Variants in GON4L observed in about 807,000 individuals in gnomAD.
GON4L encodes GON-4-like protein.
GON4L carries 87 observed loss-of-function variants against 211.8 expected under a neutral mutation model. The observed-to-expected ratio is 0.41, with a 90% CI of 0.35 to 0.49. GON4L has a LOEUF of 0.49. Ranked by LOEUF, GON4L falls within the 20% of genes least tolerant of loss-of-function variation. The pLI is 0.15. For synonymous variants in GON4L, 875 were observed against 962.6 expected, an observed-to-expected ratio of 0.91 and a Z score of 1.68; for missense variants, 2,155 against 2,659.5, an observed-to-expected ratio of 0.81 and a Z score of 4.17.
At chr1:155,823,891 A>G (rs1462362058) in intron 3 of GON4L, among the ~76,000 whole-genome samples, 1 of 151,908 alleles carries the variant, frequency 6.6e-6, no homozygotes, top group Non-Finnish European at 1.5e-5. Flanking sequence ...AGATTCACAC[A>G]CACACACAAA....
At chr1:155,769,483 A>G (rs1449116554) in intron 19 of GON4L, among the ~76,000 whole-genome samples, 2 of 152,184 alleles carry the variant, frequency 1.3e-5, no homozygotes, top group Non-Finnish European at 2.9e-5. Flanking sequence ...CAACACGCTT[A>G]GAGTGGAATA....
At chr1:155,745,440 T>G (rs1660220505), downstream of GON4L, among the ~76,000 whole-genome samples, 1 of 152,190 alleles carries the variant, frequency 6.6e-6, no homozygotes, top group South Asian at 2.1e-4. Flanking sequence ...CAAGGTTTCA[T>G]TTTTGCCCGG....
In GON4L at chr1:155,815,865, ATCT is replaced by A; in HGVS notation, c.1098_1100del (p.Glu366del). The A allele has an allele frequency of 2.5e-6, 4 of 1,606,962 alleles. No homozygotes were observed. The highest frequency in any genetic ancestry group is 1.7e-4 in the Middle Eastern group (1 of 6,048). ...GCTGGTATTCTTCATCTGAGGAATCATCTTCTTCAAGGTGGATATCCACAAACT... is the reference window on the plus strand; with the variant it reads ...GCTGGTATTCTTCATCTGAGGAATCATCTTCAAGGTGGATATCCACAAACT... On this transcript the variant is annotated inframe_deletion, in exon 8 of 32. Transcript: ENST00000368331.
chr1:155,809,870 TATA>T (rs1667540297), intron 10 of GON4L, among the ~76,000 whole-genome samples: 1 of 18,598 alleles, frequency 5.4e-5, no homozygotes, highest in African/African-American at 1.0e-4. Context: ...TATACTTATA[TATA>T]ATTATAAATT....
At position 155,762,489 on chromosome 1, in the gene GON4L, G is replaced by T. The variant is rs2101704230; in HGVS notation, c.4727-115C>A. The T allele has an allele frequency of 3.4e-6, 3 of 877,928 alleles. No homozygotes were observed. In the East Asian group the frequency reaches 8.0e-5, roughly 23 times the overall value. 54.4% of individuals were successfully genotyped at this position (877,928 alleles called of 1,614,324 possible). A position where few individuals can be genotyped will look rare whatever the true frequency, so the allele number is the denominator to read the frequency against. ...ATTCAATATTATGGAGCAATTCAAG[G>T]AAAAGGTTTTTGGGAAAATGGTATG... is the stretch of plus-strand genomic sequence containing the variant. On this transcript the variant is annotated intron_variant, in intron 22 of 31. Coordinates refer to ENST00000368331, the MANE Select transcript of GON4L (RefSeq NM_001282860.2).
At chr1:155,772,642 C>T (rs997527586) in intron 18 of GON4L, among the ~76,000 whole-genome samples, 2 of 151,844 alleles carry the variant, frequency 1.3e-5, no homozygotes, top group African/African-American at 4.8e-5. Flanking sequence ...CCTGTGGTCT[C>T]AGCTGCTCCG....
chr1:155,753,210 C>T lies in GON4L; in HGVS notation c.5836G>A (p.Val1946Ile), dbSNP rs1557819341. ...VRTTRKGEMP[V>I]SAGLAVGSTL... ...GCGTTGGCAAATCACTCACCTGAAA[C>T]AGGCATCTCTCCCTTTCTGGTGGTC... is the stretch of plus-strand genomic sequence containing the variant. Residue 1946 changes from valine (V) to isoleucine (I), a missense_variant, in exon 29 of 32, where the codon GTT (valine) becomes ATT (isoleucine). Physicochemically the swap from Val to Ile is conservative, Grantham distance 29. Around this residue, in one of 6 missense-constraint regions of GON4L, gnomAD observed 455 missense variants for 504.6 expected, o/e 0.90. Transcript: ENST00000368331. The T allele has an allele frequency of 1.9e-6, 3 of 1,611,892 alleles. No individual in the cohort carries two copies. The highest frequency in any genetic ancestry group is 2.5e-6 in the Non-Finnish European group (3 of 1,177,978).
At chr1:155,785,941 A>T (rs1197672016) in intron 12 of GON4L, among the ~76,000 whole-genome samples, 1 of 152,134 alleles carries the variant, frequency 6.6e-6, no homozygotes, top group African/African-American at 2.4e-5. Flanking sequence ...TTAAAAATAT[A>T]AAAAATTAGC....
intron 2 of GON4L, among the ~76,000 whole-genome samples, chr1:155,836,667 A>G (rs72706176): frequency 0.016 from 2,398 of 152,298 alleles, 34 homozygotes; most frequent in Middle Eastern, 0.027. Context: ...GTTGTCCCCC[A>G]TCATCTGGGT....
At chr1:155,764,831 C>T in intron 21 of GON4L, 169 bp downstream of exon 21, 1 of 1,514,288 alleles carries the variant, frequency 6.6e-7, no homozygotes, top group Non-Finnish European at 9.2e-7. Flanking sequence ...TTCATCCTTT[C>T]CATCTCATTT....
At chr1:155,850,339 A>T (rs1671660572) in intron 2 of GON4L, among the ~76,000 whole-genome samples, 1 of 152,244 alleles carries the variant, frequency 6.6e-6, no homozygotes, top group South Asian at 2.1e-4. Flanking sequence ...ACACATACAA[A>T]AAAAACCGCT....
chr1:155,752,200 A>C lies in GON4L; in HGVS notation c.6233T>G (p.Leu2078Arg), dbSNP rs1284798130. 10 of 1,613,440 alleles carry C rather than the reference A, an allele frequency of 6.2e-6. No homozygotes were observed. The highest frequency in any genetic ancestry group is 8.5e-6 in the Non-Finnish European group (10 of 1,179,676). The part of the protein sequence containing the change: ...SGKPDTQERW[L>R]PSSRARVKTR... ...CTTCACCCGAGCTCTGCTTGAGGGC[A>C]GCCATCTCTCTTGAGTGTCTGGTTT... The change falls in exon 30 of 32, where the codon CTG (leucine) becomes CGG (arginine). Residue 2078 changes from leucine to arginine, a missense_variant. By Grantham distance (102) the Leu-to-Arg change is moderately radical. Coordinates refer to ENST00000368331, the MANE Select transcript of GON4L (RefSeq NM_001282860.2).
chr1:155,821,778 G>C (rs1395181237), intron 4 of GON4L, among the ~76,000 whole-genome samples: 3 of 152,206 alleles, frequency 2.0e-5, no homozygotes, highest in Non-Finnish European at 2.9e-5. Context: ...AATCTCATTA[G>C]CTGCTACTAG....
chr1:155,774,029 A>AT (rs1663497116), intron 17 of GON4L, among the ~76,000 whole-genome samples: 1 of 152,220 alleles, frequency 6.6e-6, no homozygotes, highest in Admixed American at 6.6e-5. Flanking sequence ...GGGATTTAAA[A>AT]TAGAATCCAA....
intron 11 of GON4L, among the ~76,000 whole-genome samples, chr1:155,802,244 T>C (rs1245706957): frequency 7.0e-6 from 1 of 143,240 alleles, no homozygotes; most frequent in Non-Finnish European, 1.5e-5. Flanking sequence ...AAATAAACTC[T>C]AAGAGATACA....
intron 14 of GON4L, among the ~76,000 whole-genome samples, chr1:155,781,505 C>G (rs916398837): frequency 2.4e-4 from 36 of 151,982 alleles, no homozygotes; most frequent in Admixed American, 6.6e-4. Flanking sequence ...TTCTCTCTCT[C>G]AGGATGGAGT....
At chr1:155,840,110 T>C (rs980400428) in intron 2 of GON4L, among the ~76,000 whole-genome samples, 3 of 152,234 alleles carry the variant, frequency 2.0e-5, no homozygotes, top group Non-Finnish European at 4.4e-5. Context: ...AGCAATGTTT[T>C]CCTCCAGTAT....
At chr1:155,774,306 G>T (rs1169218633) in intron 17 of GON4L, among the ~76,000 whole-genome samples, 2 of 109,566 alleles carry the variant, frequency 1.8e-5, no homozygotes, top group East Asian at 6.0e-4. Context: ...AAAGTTAGTT[G>T]ATTTTTTTTT....
intron 11 of GON4L, among the ~76,000 whole-genome samples, chr1:155,799,911 A>G (rs1296147337): frequency 6.6e-6 from 1 of 152,212 alleles, no homozygotes; most frequent in East Asian, 1.9e-4. Context: ...AGCACAGCTT[A>G]TTATGAAGGC....
Sources: gnomAD v4.1 joint callset for allele counts (sites outside exome capture counted in the v4.1 genomes callset) on GRCh38, gnomAD v4.1.1 for gene constraint, gnomAD v4.1.1 regional missense constraint, MANE v1.5 for transcripts, NCBI Gene and HGNC (gene_info 2026-07-23, HGNC 2026-07-21) for gene names.